Variants in TMEM65 observed in about 807,000 individuals in gnomAD.
TMEM65 encodes transmembrane protein 65.
A neutral mutation model predicts 25.4 loss-of-function variants in TMEM65; 22 were observed. The observed-to-expected ratio is 0.86, with a 90% CI of 0.62 to 1.23. The LOEUF (loss-of-function observed/expected upper bound fraction) is 1.23, where lower values mean the gene tolerates loss of function less well. Among genes scored for constraint, TMEM65 ranks in the 50% most tolerant of loss-of-function variants. TMEM65 has a pLI of 0.00. For missense variants in TMEM65, 262 were observed against 308.2 expected (o/e 0.85, Z 1.12); for synonymous variants, 132 against 126.2 (o/e 1.05, Z -0.31).
At chr8:124,345,260 TTCTA>T (rs969739736) in intron 1 of TMEM65, among the ~76,000 whole-genome samples, 1 of 152,204 alleles carries the variant, frequency 6.6e-6, no homozygotes, top group African/African-American at 2.4e-5. Flanking sequence ...TGTATAGCAC[TTCTA>T]TCTGTCTATA....
intron 1 of TMEM65, among the ~76,000 whole-genome samples, chr8:124,358,070 T>C (rs1439866115): frequency 2.0e-5 from 3 of 152,084 alleles, no homozygotes; most frequent in Non-Finnish European, 2.9e-5. Flanking sequence ...CTTCAGGTGA[T>C]CCATCCACCT....
At chr8:124,358,676 T>C (rs1005594239) in intron 1 of TMEM65, among the ~76,000 whole-genome samples, 2 of 152,222 alleles carry the variant, frequency 1.3e-5, no homozygotes, top group African/African-American at 2.4e-5. Context: ...GAATCTATTC[T>C]GGTTCAGGGG....
chr8:124,355,993 A>T (rs1814775342), intron 1 of TMEM65, among the ~76,000 whole-genome samples: 2 of 152,184 alleles, frequency 1.3e-5, no homozygotes, highest in Non-Finnish European at 2.9e-5. Context: ...AAGACAAGAA[A>T]GCCCTAAGAA....
At chr8:124,347,890 CTTTTT>C (rs10713773) in intron 1 of TMEM65, among the ~76,000 whole-genome samples, 3 of 117,322 alleles carry the variant, frequency 2.6e-5, no homozygotes, top group Non-Finnish European at 1.8e-5. Flanking sequence ...AATAATTTTT[CTTTTT>C]TTTTTTTTTT....
At position 124,313,970 on chromosome 8, in the gene TMEM65, G is replaced by T; in HGVS notation, c.713C>A (p.Thr238Lys). The T allele has an allele frequency of 6.2e-7, 1 of 1,611,652 alleles. No individual in the cohort carries two copies. Among genetic ancestry groups the T allele is most frequent in the Non-Finnish European group, 8.5e-7 (1 of 1,178,328 alleles). The change falls in exon 7 of 7, where the codon ACG becomes AAG. Residue 238 changes from threonine to lysine, a missense_variant. Physicochemically the swap from Thr to Lys is moderately conservative, Grantham distance 78. Coordinates refer to ENST00000297632, the MANE Select transcript of TMEM65 (RefSeq NM_194291.3). ...GGGEEDEKLE[T>K]KS is the part of the protein sequence containing the mutation. ...GGTATTCTAAGAGGATTAACTTTTC[G>T]TTTCCAGTTTTTCATCTTCTTCACC...
intron 2 of TMEM65, among the ~76,000 whole-genome samples, chr8:124,328,803 CT>C (rs1814397698): frequency 6.6e-6 from 1 of 151,708 alleles, no homozygotes; most frequent in Admixed American, 6.6e-5. Context: ...GTCTTTTTTT[CT>C]TTTAATGCAG....
intron 1 of TMEM65, among the ~76,000 whole-genome samples, chr8:124,362,212 A>C (rs1035579449): frequency 6.6e-6 from 1 of 152,094 alleles, no homozygotes; most frequent in African/African-American, 2.4e-5. Context: ...TTTGATAAGG[A>C]AAGTTGTAAA....
At chr8:124,337,143 A>G (rs1406572783) in intron 1 of TMEM65, among the ~76,000 whole-genome samples, 1 of 128,568 alleles carries the variant, frequency 7.8e-6, no homozygotes, top group Non-Finnish European at 1.7e-5. Flanking sequence ...ACACACACAC[A>G]CGCACACACA....
At chr8:124,315,684 T>G (rs1025835823) in intron 6 of TMEM65, among the ~76,000 whole-genome samples, 2 of 46,020 alleles carry the variant, frequency 4.3e-5, no homozygotes, top group African/African-American at 2.2e-4. Flanking sequence ...ATAGCTTGCA[T>G]AAAAATTTTT....
chr8:124,327,057 A>G (rs1814373613), intron 3 of TMEM65, among the ~76,000 whole-genome samples: 1 of 152,056 alleles, frequency 6.6e-6, no homozygotes, highest in South Asian at 2.1e-4. Flanking sequence ...CATTTTACAT[A>G]TTATTTTTCT....
At chr8:124,362,655 CTT>C (rs1217725220) in intron 1 of TMEM65, among the ~76,000 whole-genome samples, 5 of 3,328 alleles carry the variant, frequency 1.5e-3, no homozygotes, top group African/African-American at 0.011. Context: ...GAGCAAGACT[CTT>C]GTCTCAAAAA....
intron 1 of TMEM65, among the ~76,000 whole-genome samples, chr8:124,334,967 GGCTAATATAT>G (rs1265972849): frequency 1.3e-5 from 2 of 151,588 alleles, no homozygotes; most frequent in African/African-American, 4.8e-5. Flanking sequence ...ATATTAAAAG[GGCTAATATAT>G]GCTAATATAT....
chr8:124,362,765 T>C (rs1340469512), intron 1 of TMEM65, among the ~76,000 whole-genome samples: 1 of 152,126 alleles, frequency 6.6e-6, no homozygotes. Flanking sequence ...TTAGTATTGG[T>C]AATATACTAA....
intron 3 of TMEM65, among the ~76,000 whole-genome samples, chr8:124,323,695 C>G (rs1563590284): frequency 1.3e-5 from 2 of 151,844 alleles, no homozygotes; most frequent in African/African-American, 4.8e-5. Flanking sequence ...CTTTAAAGCT[C>G]TTTGAAAACA....
At chr8:124,341,824 G>GTT (rs570798183) in intron 1 of TMEM65, among the ~76,000 whole-genome samples, 1 of 143,774 alleles carries the variant, frequency 7.0e-6, no homozygotes. Flanking sequence ...TCTTAATAAA[G>GTT]TTTTTTTTTT....
chr8:124,336,116 A>T (rs967718029), intron 1 of TMEM65, among the ~76,000 whole-genome samples: 1 of 152,056 alleles, frequency 6.6e-6, no homozygotes, highest in Admixed American at 6.6e-5. Context: ...TATTACCAGA[A>T]ATAAACCAGG....
At chr8:124,314,171 AT>A in intron 6 of TMEM65, 110 bp from the exon 7 acceptor site, 1 of 772,260 alleles carries the variant, frequency 1.3e-6, no homozygotes, top group Non-Finnish European at 2.2e-6. Context: ...GCTACCCTTC[AT>A]ATATATTCCT....
intron 1 of TMEM65, among the ~76,000 whole-genome samples, chr8:124,335,529 G>A (rs1484815038): frequency 6.6e-6 from 1 of 152,088 alleles, no homozygotes. Context: ...GTCTTATAGT[G>A]TTTATAAAAT....
At position 124,323,383 on chromosome 8, in the gene TMEM65, A is replaced by T. The variant is rs1434078310; in HGVS notation, c.418-8T>A. ...CATTTCAATATGGGTTCCCTGAAAT[A>T]TGATAAAAAATTAATCTTAAAAATT... is the stretch of plus-strand genomic sequence containing the variant. On this transcript the variant is annotated splice_polypyrimidine_tract_variant and splice_region_variant and intron_variant, in intron 3 of 6. Transcript: ENST00000297632. 3.7e-5 allele frequency: 54 copies of T among 1,446,388 alleles called. No individual in the cohort carries two copies. Among genetic ancestry groups the T allele is most frequent in the Non-Finnish European group, 4.9e-5 (52 of 1,053,486 alleles). 89.6% of individuals were successfully genotyped at this position (1,446,388 alleles called of 1,614,324 possible).
Sources: gnomAD v4.1 joint callset for allele counts (sites outside exome capture counted in the v4.1 genomes callset) on GRCh38, gnomAD v4.1.1 for gene constraint, MANE v1.5 for transcripts, NCBI Gene and HGNC (gene_info 2026-07-23, HGNC 2026-07-21) for gene names.